The following FNBP1 variants were observed in gnomAD, a reference collection of about 807,000 sequenced individuals.
FNBP1 encodes formin-binding protein 1.
In FNBP1, 26 loss-of-function variants were observed where a neutral mutation model predicts 90.6. That is an observed-to-expected ratio of 0.29 (90% confidence interval 0.21 to 0.40). The LOEUF is 0.40. Among genes scored for constraint, FNBP1 ranks in the 10% least tolerant of loss-of-function variants. The pLI, the probability that FNBP1 is intolerant of heterozygous loss-of-function variation, is 1.00. For synonymous variants in FNBP1, 260 were observed against 265.2 expected, an observed-to-expected ratio of 0.98 and a Z score of 0.19; for missense variants, 635 against 768.0, an observed-to-expected ratio of 0.83 and a Z score of 2.05.
At position 129,957,357 on chromosome 9, in the gene FNBP1, C is replaced by T. The variant is rs377766466; in HGVS notation, c.513+3G>A. On this transcript the variant is annotated splice_donor_region_variant and intron_variant, in intron 6 of 16. Transcript: ENST00000446176. The surrounding 1 kb of genome is among the most constrained non-coding windows in gnomAD (Gnocchi z 4.3). ...CCGGCCCACACTTGAGCTTTCACCT[C>T]ACCTTTTCAACATCCGCTTTTGTGA... 3.7e-6 allele frequency: 6 copies of T among 1,607,836 alleles called. No individual in the cohort carries two copies. Among genetic ancestry groups the T allele is most frequent in the Non-Finnish European group, 5.1e-6 (6 of 1,175,378 alleles).
Position 129,888,499 on chromosome 9 carries a change from G to C in FNBP1, c.*2040C>G, listed in dbSNP as rs1488504878. On this transcript the variant is annotated 3_prime_UTR_variant, in exon 17 of 17. Transcript: ENST00000446176. ...CCTGTGTCATCCGGGCTTGTCTTTCGTCTGTCAAGTCAGTCCTCCTGCGTG... is the reference window on the plus strand; with the variant it reads ...CCTGTGTCATCCGGGCTTGTCTTTCCTCTGTCAAGTCAGTCCTCCTGCGTG... 1 of 232,698 alleles carries C rather than the reference G, an allele frequency of 4.3e-6. No homozygotes were observed. Among genetic ancestry groups the C allele is most frequent in the African/African-American group, 2.2e-5 (1 of 45,314 alleles). 14.4% of individuals were successfully genotyped at this position (232,698 alleles called of 1,614,324 possible).
At chr9:129,902,800 C>A in intron 13 of FNBP1, 69 bp downstream of exon 13, 4 of 1,541,566 alleles carry the variant, frequency 2.6e-6, no homozygotes, top group Non-Finnish European at 3.5e-6. Context: ...CAGGGCCCCA[C>A]ACCATTCTAC....
At chr9:129,942,645 A>G (rs1043603439) in intron 6 of FNBP1, among the ~76,000 whole-genome samples, 3 of 152,202 alleles carry the variant, frequency 2.0e-5, no homozygotes, top group Non-Finnish European at 2.9e-5. Flanking sequence ...TACCTTATCC[A>G]GCAGGGCCAC....
intron 2 of FNBP1, among the ~76,000 whole-genome samples, chr9:129,993,793 T>C (rs2053579238): frequency 6.6e-6 from 1 of 151,470 alleles, no homozygotes; most frequent in Non-Finnish European, 1.5e-5. Flanking sequence ...CCCCACTAAT[T>C]TTTGTATTTT....
In FNBP1 at chr9:129,993,106, A is replaced by C. The variant is rs542753259; in HGVS notation, c.140+1737T>G. On this transcript the variant is annotated intron_variant, in intron 2 of 16. Transcript: ENST00000446176. Reference sequence around the variant, plus strand: ...GCCAGGCATGGTGGCACAAGCCTGTAATCCCAGCTACTTGGAAGGCTGAGG... The same window carrying C: ...GCCAGGCATGGTGGCACAAGCCTGTCATCCCAGCTACTTGGAAGGCTGAGG... Among the ~76,000 whole-genome samples, 366 of 151,036 alleles carry C rather than the reference A, an allele frequency of 2.4e-3. 6 individuals carry two copies. The highest frequency in any genetic ancestry group is 8.7e-3 in the African/African-American group (358 of 41,246).
chr9:129,935,494 TC>T (rs1205466276), intron 6 of FNBP1, among the ~76,000 whole-genome samples: 2 of 151,812 alleles, frequency 1.3e-5, no homozygotes, highest in Non-Finnish European at 2.9e-5. Context: ...TCTTTTCTTT[TC>T]TTTTTCTATT....
rs368369442 is a variant in FNBP1, at chr9:129,957,507, C to A, written c.409-43G>T. On this transcript the variant is annotated intron_variant, in intron 5 of 16. Transcript: ENST00000446176. This position sits in a 1 kb window ranked among gnomAD's most constrained non-coding sequence, Gnocchi z 4.3. ...TAATTATGAAACCATAAGAGTCCTA[C>A]GAGAAGATGTAATTTTATCTAAAGC... The A allele has an allele frequency of 7.2e-7, 1 of 1,387,098 alleles. No individual in the cohort carries two copies. Among genetic ancestry groups the A allele is most frequent in the Non-Finnish European group, 1.0e-6 (1 of 984,516 alleles). 85.9% of individuals were successfully genotyped at this position (1,387,098 alleles called of 1,614,324 possible).
intron 11 of FNBP1, among the ~76,000 whole-genome samples, chr9:129,913,529 G>C (rs113232561): frequency 1.3e-5 from 2 of 152,054 alleles, no homozygotes; most frequent in Non-Finnish European, 2.9e-5. Flanking sequence ...CCAGCACTGT[G>C]GGGGGCTGAG....
chr9:129,915,150 C>T (rs183999879), intron 11 of FNBP1, among the ~76,000 whole-genome samples: 3 of 152,064 alleles, frequency 2.0e-5, no homozygotes, highest in African/African-American at 4.8e-5. Flanking sequence ...AACATATCTA[C>T]GTCGCACCAT....
chr9:129,913,136 A>C (rs572286342), intron 11 of FNBP1, among the ~76,000 whole-genome samples: 3 of 152,250 alleles, frequency 2.0e-5, no homozygotes, highest in African/African-American at 7.2e-5. Context: ...TCAACCCGGG[A>C]GGCGGAGGAT....
At chr9:129,988,414 C>T (rs2052625380) in intron 2 of FNBP1, among the ~76,000 whole-genome samples, 1 of 152,132 alleles carries the variant, frequency 6.6e-6, no homozygotes, top group Non-Finnish European at 1.5e-5. Flanking sequence ...TGCGGTGGCT[C>T]ATGCCTGTAA....
intron 2 of FNBP1, among the ~76,000 whole-genome samples, chr9:129,992,661 C>T (rs1312388494): frequency 7.2e-6 from 1 of 138,226 alleles, no homozygotes; most frequent in Non-Finnish European, 1.5e-5. Flanking sequence ...TCAAGCGATT[C>T]TCCTGCCTCA....
At chr9:129,925,571 T>C (rs2041759779) in intron 8 of FNBP1, among the ~76,000 whole-genome samples, 1 of 144,542 alleles carries the variant, frequency 6.9e-6, no homozygotes, top group South Asian at 2.2e-4. Context: ...TGATTGATAA[T>C]AACTTTTTTC....
At chr9:130,046,301 C>A (rs1461669377), upstream of FNBP1, among the ~76,000 whole-genome samples, 3 of 152,038 alleles carry the variant, frequency 2.0e-5, no homozygotes, top group African/African-American at 7.2e-5. Context: ...CCTCCGGGGA[C>A]TGGGGAGAGG....
At chr9:130,022,911 C>A (rs2057985159) in intron 1 of FNBP1, among the ~76,000 whole-genome samples, 1 of 152,102 alleles carries the variant, frequency 6.6e-6, no homozygotes, top group Admixed American at 6.6e-5. Flanking sequence ...CTTCAGGAGG[C>A]TGAGGCAGGA....
chr9:129,990,312 G>C (rs1441329132), intron 2 of FNBP1, among the ~76,000 whole-genome samples: 1 of 152,154 alleles, frequency 6.6e-6, no homozygotes, highest in Non-Finnish European at 1.5e-5. Flanking sequence ...TAGGAAAACT[G>C]AAAAAGCAAA....
intron 6 of FNBP1, among the ~76,000 whole-genome samples, chr9:129,942,525 C>T (rs142724880): frequency 4.6e-5 from 7 of 152,248 alleles, no homozygotes; most frequent in East Asian, 1.9e-4. Flanking sequence ...TAGGAAAAAG[C>T]GGTGGCTAAG....
chr9:130,013,794 C>A, intron 1 of FNBP1: 1 of 452,210 alleles, frequency 2.2e-6, no homozygotes, highest in South Asian at 1.6e-5. Context: ...GGTTTAATAT[C>A]ATTATCAAAG....
chr9:129,978,774 T>C (rs566954092), intron 3 of FNBP1, among the ~76,000 whole-genome samples, 162 bp from the exon 4 acceptor site: 1 of 152,318 alleles, frequency 6.6e-6, no homozygotes, highest in South Asian at 2.1e-4. Context: ...ACAAAATGGC[T>C]CAGAATTAAT....
Sources: gnomAD v4.1 joint callset for allele counts (sites outside exome capture counted in the v4.1 genomes callset) on GRCh38, gnomAD v4.1.1 for gene constraint, Gnocchi (gnomAD v3.1) non-coding constraint, MANE v1.5 for transcripts, NCBI Gene and HGNC (gene_info 2026-07-23, HGNC 2026-07-21) for gene names.